DCDC2: variants seen among roughly 807,000 people sequenced by gnomAD.
DCDC2 encodes the protein doublecortin domain containing 2.
In DCDC2, 40 loss-of-function variants were observed where a neutral mutation model predicts 50.2. The observed-to-expected ratio is 0.80, with a 90% CI of 0.62 to 1.04. The LOEUF is 1.04. DCDC2 is among the 50% of genes least tolerant of loss of function. The pLI is 0.00. For missense variants in DCDC2, 570 were observed against 581.9 expected (o/e 0.98, Z 0.21); for synonymous variants, 234 against 210.6 (o/e 1.11, Z -0.96).
intron 2 of DCDC2, among the ~76,000 whole-genome samples, chr6:24,346,628 G>A (rs186284160): frequency 6.6e-6 from 1 of 152,112 alleles, no homozygotes; most frequent in East Asian, 1.9e-4. Context: ...AGTGGCAGGT[G>A]TCTGTAGTCC....
intron 8 of DCDC2, among the ~76,000 whole-genome samples, chr6:24,201,973 T>C (rs1424046320): frequency 6.6e-6 from 1 of 151,720 alleles, no homozygotes; most frequent in Non-Finnish European, 1.5e-5. Flanking sequence ...GATGATAAAT[T>C]CTGAAATTGA....
At chr6:24,249,891 G>A (rs1263435420) in intron 7 of DCDC2, among the ~76,000 whole-genome samples, 1 of 152,174 alleles carries the variant, frequency 6.6e-6, no homozygotes, top group African/African-American at 2.4e-5. Flanking sequence ...TTTCTTCACT[G>A]TTTCAGAAGG....
At position 24,351,981 on chromosome 6, in the gene DCDC2, G is replaced by A. The variant is rs556702004; in HGVS notation, c.348+1588C>T. The stretch of plus-strand genomic sequence containing the variant: ...TAGCCAGGTGTGGTGGCACGTGCCT[G>A]TAATCCCAGCTACTCAGGAGGCTGA... On this transcript the variant is annotated intron_variant, in intron 2 of 9. Transcript: ENST00000378454. Among the ~76,000 whole-genome samples, 11 of 152,194 alleles carry A rather than the reference G, an allele frequency of 7.2e-5. No homozygotes were observed. The South Asian group carries it at 1.9e-3, about 26-fold the overall frequency.
chr6:24,327,432 T>C (rs1316554626), intron 2 of DCDC2, among the ~76,000 whole-genome samples: 11 of 144,016 alleles, frequency 7.6e-5, no homozygotes. Flanking sequence ...CAGTCCACTT[T>C]TAGTCAATCA....
intron 7 of DCDC2, 44 bp from the exon 8 acceptor site, chr6:24,205,146 C>T (rs371266258): frequency 6.0e-5 from 97 of 1,613,970 alleles, no homozygotes; most frequent in East Asian, 2.5e-4. Flanking sequence ...CCAATTGTGA[C>T]ATCGTGTGGC....
rs1561766254 is a variant in DCDC2, at chr6:24,301,700, A to T, written c.557+15T>A. On this transcript the variant is annotated intron_variant, in intron 4 of 9. Coordinates refer to ENST00000378454, the MANE Select transcript of DCDC2 (RefSeq NM_016356.5). ...ATTCAAAAACTCCTCCACTTACAAG[A>T]TTGTTTTGACATACCTGTGAACAGC... The T allele has an allele frequency of 6.2e-7, 1 of 1,611,668 alleles. No homozygotes were observed. Among genetic ancestry groups the T allele is most frequent in the Non-Finnish European group, 8.5e-7 (1 of 1,178,874 alleles).
chr6:24,254,649 T>C (rs1762856867), intron 7 of DCDC2, among the ~76,000 whole-genome samples: 1 of 152,118 alleles, frequency 6.6e-6, no homozygotes, highest in South Asian at 2.1e-4. Context: ...GTGACAGGCA[T>C]TCAGTGCACT....
At chr6:24,302,159 T>C in intron 2 of DCDC2, 115 bp from the exon 3 acceptor site, 2 of 862,714 alleles carry the variant, frequency 2.3e-6, no homozygotes, top group Non-Finnish European at 3.5e-6. Context: ...GTGCCTTTGT[T>C]AAAACCTTGC....
chr6:24,228,528 CAG>C (rs1414781413), intron 7 of DCDC2, among the ~76,000 whole-genome samples: 4 of 152,160 alleles, frequency 2.6e-5, no homozygotes, highest in African/African-American at 9.7e-5. Context: ...TAGTTTTAAA[CAG>C]AAAGATTTTT....
intron 2 of DCDC2, among the ~76,000 whole-genome samples, chr6:24,310,906 T>C (rs1291502146): frequency 6.6e-6 from 1 of 152,172 alleles, no homozygotes; most frequent in African/African-American, 2.4e-5. Context: ...AAAATTATTT[T>C]ATCTGTCCCC....
chr6:24,289,856 A>AC (rs1382447255), intron 5 of DCDC2, among the ~76,000 whole-genome samples: 3 of 152,124 alleles, frequency 2.0e-5, no homozygotes, highest in African/African-American at 7.2e-5. Flanking sequence ...CAACCAAAAA[A>AC]AATTTTTTTT....
At chr6:24,187,273 A>C (rs573559098) in intron 8 of DCDC2, among the ~76,000 whole-genome samples, 2 of 152,242 alleles carry the variant, frequency 1.3e-5, no homozygotes, top group South Asian at 2.1e-4. Flanking sequence ...ATAAGTTTGG[A>C]GTGGGGAGAG....
chr6:24,213,804 A>C (rs779312037), intron 7 of DCDC2, among the ~76,000 whole-genome samples: 1 of 151,976 alleles, frequency 6.6e-6, no homozygotes, highest in Non-Finnish European at 1.5e-5. Flanking sequence ...GTATTAGCCA[A>C]CTCTCCTGGG....
intron 2 of DCDC2, among the ~76,000 whole-genome samples, chr6:24,326,166 A>AAAGGAAGG (rs143866897): frequency 0.075 from 9,550 of 127,074 alleles, 681 homozygotes; most frequent in Non-Finnish European, 0.095. Flanking sequence ...GAGAGGAAGG[A>AAAGGAAGG]AAGGAAGGAA....
At chr6:24,255,283 T>C (rs1052339392) in intron 7 of DCDC2, among the ~76,000 whole-genome samples, 1 of 151,770 alleles carries the variant, frequency 6.6e-6, no homozygotes, top group Non-Finnish European at 1.5e-5. Flanking sequence ...TAATCTTGAC[T>C]TCACACCATG....
the DCDC2 span, among the ~76,000 whole-genome samples, chr6:24,366,604 G>A: frequency 1.3e-5 from 2 of 152,204 alleles, no homozygotes; most frequent in Admixed American, 6.5e-5. Flanking sequence ...CATGAAGGGT[G>A]GTGTGGACAT....
Position 24,174,817 on chromosome 6 carries a change from T to C in DCDC2, c.1344A>G (p.Gln448=), listed in dbSNP as rs368603558. ...SGQDEADVDP[Q]RPPRPEVKIT... The stretch of plus-strand genomic sequence containing the variant: ...TTTTTACTTCTGGCCTTGGTGGTCT[T>C]TGAGGGTCTACATCAGCCTAGAAGA... Residue 448 remains glutamine (Q), a synonymous_variant, in exon 10 of 10, where the codon CAA becomes CAG. Transcript: ENST00000378454. 8 of 1,613,134 alleles carry C rather than the reference T, an allele frequency of 5.0e-6. No homozygotes were observed. The African/African-American group carries it at 1.1e-4, about 22-fold the overall frequency.
intron 2 of DCDC2, among the ~76,000 whole-genome samples, chr6:24,326,591 C>T (rs1338629799): frequency 2.7e-5 from 4 of 149,258 alleles, no homozygotes; most frequent in Admixed American, 2.7e-4. Flanking sequence ...GGCATGGAGG[C>T]TTATGCCTAT....
At chr6:24,269,341 A>C (rs1369736903) in intron 7 of DCDC2, among the ~76,000 whole-genome samples, 1 of 152,230 alleles carries the variant, frequency 6.6e-6, no homozygotes, top group Non-Finnish European at 1.5e-5. Context: ...AATACCCAGA[A>C]GGAAAAAATG....
Sources: gnomAD v4.1 joint callset for allele counts (sites outside exome capture counted in the v4.1 genomes callset) on GRCh38, gnomAD v4.1.1 for gene constraint, MANE v1.5 for transcripts, NCBI Gene and HGNC (gene_info 2026-07-23, HGNC 2026-07-21) for gene names.